Variants in GALNT18 observed in about 807,000 individuals in gnomAD.
GALNT18 encodes GalNAc-transferase 18.
Under a neutral mutation model 69.5 loss-of-function variants are expected in GALNT18, and 44 were observed. That is an observed-to-expected ratio of 0.63 (90% CI 0.50 to 0.81). GALNT18 has a LOEUF of 0.81. Ranked by LOEUF, GALNT18 falls within the 40% of genes least tolerant of loss-of-function variation. The probability of loss-of-function intolerance (pLI) is 0.00; values close to 1 mark genes in which losing one functional copy is unlikely to be tolerated. For synonymous variants in GALNT18, 364 were observed against 318.2 expected (o/e 1.14, Z -1.53); for missense variants, 715 against 810.0 (o/e 0.88, Z 1.42).
chr11:11,304,957 G>T (rs1423222439), intron 9 of GALNT18, among the ~76,000 whole-genome samples: 1 of 152,322 alleles, frequency 6.6e-6, no homozygotes, highest in African/African-American at 2.4e-5. Context: ...AACACATCTT[G>T]TTGTAAGCCA....
intron 1 of GALNT18, among the ~76,000 whole-genome samples, chr11:11,512,708 C>T (rs1008996294): frequency 6.6e-6 from 1 of 152,200 alleles, no homozygotes. Context: ...TTAGAAGGTG[C>T]TACGGAGAGT....
rs191785731 is a variant in GALNT18 at position 11,276,253 on chromosome 11, T to C, written c.1678-4963A>G. Among the ~76,000 whole-genome samples, 766 of 152,352 alleles carry C rather than the reference T, an allele frequency of 5.0e-3. 4 individuals carry two copies. The highest frequency in any genetic ancestry group is 0.018 in the African/African-American group (737 of 41,582). On this transcript the variant is annotated intron_variant, in intron 10 of 10. Transcript: ENST00000227756. Reference sequence around the variant, plus strand: ...TCCTTGAAGAGGTCCTTCACATCCCTTGTAAGTTGGATTCCTAGGTATTTT... The same window carrying C: ...TCCTTGAAGAGGTCCTTCACATCCCCTGTAAGTTGGATTCCTAGGTATTTT...
At chr11:11,537,181 C>CT (rs915926747) in intron 1 of GALNT18, among the ~76,000 whole-genome samples, 24 of 151,452 alleles carry the variant, frequency 1.6e-4, no homozygotes, top group Non-Finnish European at 2.9e-4. Context: ...AACTGAGGCA[C>CT]TGAGAGGTCA....
chr11:11,485,380 T>G (rs1304074078), intron 1 of GALNT18, among the ~76,000 whole-genome samples: 3 of 152,154 alleles, frequency 2.0e-5, no homozygotes, highest in African/African-American at 7.2e-5. Context: ...TCTGCTAGGG[T>G]GGCTCACAGA....
chr11:11,600,732 CTTCT>C lies in GALNT18; in HGVS notation c.235+20623_235+20626del, dbSNP rs964943256. 7.9e-5 allele frequency among the ~76,000 whole-genome samples: 12 copies of C among 152,006 alleles called. No homozygotes were observed. The highest frequency in any genetic ancestry group is 2.4e-4 in the African/African-American group (10 of 41,496). ...TATTATTTCTTCATATATTTTTTGG[CTTCT>C]TTCTTCTTTCATTCAAGTATTCCCA... On this transcript the variant is annotated intron_variant, in intron 1 of 10. Transcript: ENST00000227756. The surrounding 1 kb of genome is among the most constrained non-coding windows in gnomAD (Gnocchi z 4.8).
chr11:11,411,584 C>T (rs867566439), intron 3 of GALNT18, among the ~76,000 whole-genome samples: 2 of 152,188 alleles, frequency 1.3e-5, no homozygotes, highest in African/African-American at 2.4e-5. Context: ...CTGGGGCAGA[C>T]GGCCATCCTT....
chr11:11,514,849 G>A (rs61870340), intron 1 of GALNT18, among the ~76,000 whole-genome samples: 1 of 152,194 alleles, frequency 6.6e-6, no homozygotes, highest in African/African-American at 2.4e-5. Context: ...GAGGGCAAGT[G>A]AAGGATCTGG....
chr11:11,476,824 T>A (rs965700226), intron 1 of GALNT18, among the ~76,000 whole-genome samples: 2 of 152,232 alleles, frequency 1.3e-5, no homozygotes, highest in Admixed American at 6.5e-5. Context: ...GGCACCAAGA[T>A]GCAATGGATA....
rs1288264315 is a variant in GALNT18, at chr11:11,587,651, C to A, written c.235+33708G>T. On this transcript the variant is annotated intron_variant, in intron 1 of 10. Coordinates refer to ENST00000227756, the MANE Select transcript of GALNT18 (RefSeq NM_198516.3). This position sits in a 1 kb window ranked among gnomAD's most constrained non-coding sequence, Gnocchi z 4.4. The stretch of plus-strand genomic sequence containing the variant: ...ACCAATGCTGTTTCCAAAGTTATAT[C>A]CTAGAGAAGTAATACCAGTCATCAA... Among the ~76,000 whole-genome samples, 1 of 152,144 alleles carries A rather than the reference C, an allele frequency of 6.6e-6. No homozygotes were observed. Among genetic ancestry groups the A allele is most frequent in the Admixed American group, 6.5e-5 (1 of 15,284 alleles).
Position 11,337,609 on chromosome 11 carries a change from C to T in GALNT18, c.1278+3210G>A, listed in dbSNP as rs1044765400. ...AGATATTTAGGAGGGGGAGCTCTTC[C>T]CCCAGTTGGAGCTGGCTTTCTAGAG... On this transcript the variant is annotated intron_variant, in intron 7 of 10. Transcript: ENST00000227756. The surrounding 1 kb of genome is among the most constrained non-coding windows in gnomAD (Gnocchi z 4.9). Among the ~76,000 whole-genome samples, 1 of 152,070 alleles carries T rather than the reference C, an allele frequency of 6.6e-6. No homozygotes were observed. Among genetic ancestry groups the T allele is most frequent in the Non-Finnish European group, 1.5e-5 (1 of 68,034 alleles).
At position 11,332,437 on chromosome 11, in the gene GALNT18, G is replaced by C. The variant is rs978027715; in HGVS notation, c.1416+257C>G. Among the ~76,000 whole-genome samples the C allele has an allele frequency of 4.6e-5, 7 of 152,134 alleles. No homozygotes were observed. On this transcript the variant is annotated intron_variant, in intron 8 of 10. Coordinates refer to ENST00000227756, the MANE Select transcript of GALNT18 (RefSeq NM_198516.3). This position sits in a 1 kb window ranked among gnomAD's most constrained non-coding sequence, Gnocchi z 4.3. Reference sequence around the variant, plus strand: ...GCTTTATTATGTGTTTTATTAAGCGGAATATGCAGGTGTGGGGCCAGAGCT... The same window carrying C: ...GCTTTATTATGTGTTTTATTAAGCGCAATATGCAGGTGTGGGGCCAGAGCT...
rs1488147263 is a variant in GALNT18 at position 11,415,076 on chromosome 11, C to T, written c.595+17545G>A. 3.9e-5 allele frequency among the ~76,000 whole-genome samples: 6 copies of T among 152,220 alleles called. No homozygotes were observed. Among genetic ancestry groups the T allele is most frequent in the Non-Finnish European group, 8.8e-5 (6 of 68,044 alleles). On this transcript the variant is annotated intron_variant, in intron 3 of 10. Transcript: ENST00000227756. The surrounding 1 kb of genome is among the most constrained non-coding windows in gnomAD (Gnocchi z 4.1). ...GAATGCTCTTGGCAACAAGAGGCTG[C>T]CCAATCTCCTTGCCGCATGGACAGT...
chr11:11,331,607 A>G (rs535644852), intron 8 of GALNT18, among the ~76,000 whole-genome samples: 3 of 152,220 alleles, frequency 2.0e-5, no homozygotes, highest in Non-Finnish European at 4.4e-5. Flanking sequence ...ATCTTGAGAT[A>G]TCAAAAAAGG....
At position 11,543,156 on chromosome 11, in the gene GALNT18, G is replaced by T. The variant is rs60543911; in HGVS notation, c.235+78203C>A. 0.022 allele frequency among the ~76,000 whole-genome samples: 3,307 copies of T among 152,292 alleles called. 84 individuals carry two copies. The highest frequency in any genetic ancestry group is 0.057 in the African/African-American group (2,376 of 41,556). On this transcript the variant is annotated intron_variant, in intron 1 of 10. Coordinates refer to ENST00000227756, the MANE Select transcript of GALNT18 (RefSeq NM_198516.3). This position sits in a 1 kb window ranked among gnomAD's most constrained non-coding sequence, Gnocchi z 5.1. ...TGCCTTCTCTGGTCTTTCTACCTCT[G>T]CCACTTAGGGAGTAGAGCCTGCCAA... is the stretch of plus-strand genomic sequence containing the variant.
At chr11:11,322,026 G>T (rs1401110170) in intron 9 of GALNT18, among the ~76,000 whole-genome samples, 3 of 152,068 alleles carry the variant, frequency 2.0e-5, no homozygotes, top group Non-Finnish European at 4.4e-5. Flanking sequence ...CAGGAGTCAG[G>T]GTTAAAGTGG....
At chr11:11,324,754 GT>G (rs895093779) in intron 9 of GALNT18, among the ~76,000 whole-genome samples, 10 of 148,670 alleles carry the variant, frequency 6.7e-5, no homozygotes, top group Non-Finnish European at 9.0e-5. Flanking sequence ...GAGAGTATGT[GT>G]TTTTTTTTTC....
rs572020645 is a variant in GALNT18 at position 11,449,220 on chromosome 11, T to G, written c.236-284A>C. Among the ~76,000 whole-genome samples, 4 of 152,334 alleles carry G rather than the reference T, an allele frequency of 2.6e-5. No homozygotes were observed. The East Asian group carries it at 7.7e-4, about 29-fold the overall frequency. On this transcript the variant is annotated intron_variant, in intron 1 of 10. Coordinates refer to ENST00000227756, the MANE Select transcript of GALNT18 (RefSeq NM_198516.3). ...GACATTGATGCCCCATGGCTTCAAG[T>G]CAGGACCCCCTTTTTCCCCAGTCTG...
At chr11:11,468,850 C>A (rs920393812) in intron 1 of GALNT18, among the ~76,000 whole-genome samples, 1 of 152,170 alleles carries the variant, frequency 6.6e-6, no homozygotes, top group Non-Finnish European at 1.5e-5. Context: ...TATAAACCAC[C>A]GAAAGAAGGA....
chr11:11,550,794 G>A (rs1427298169), intron 1 of GALNT18, among the ~76,000 whole-genome samples: 1 of 152,194 alleles, frequency 6.6e-6, no homozygotes, highest in African/African-American at 2.4e-5. Context: ...GCAGCTAAGT[G>A]TTAATTTTCT....
Sources: gnomAD v4.1 joint callset for allele counts (sites outside exome capture counted in the v4.1 genomes callset) on GRCh38, gnomAD v4.1.1 for gene constraint, Gnocchi (gnomAD v3.1) non-coding constraint, MANE v1.5 for transcripts, NCBI Gene and HGNC (gene_info 2026-07-23, HGNC 2026-07-21) for gene names.